The following NRG3 variants were observed in gnomAD, a reference collection of about 807,000 sequenced individuals.
NRG3 encodes pro-neuregulin-3, membrane-bound isoform.
A neutral mutation model predicts 66.9 loss-of-function variants in NRG3; 31 were observed. The observed-to-expected ratio is 0.46, with a 90% CI of 0.35 to 0.63. The LOEUF (loss-of-function observed/expected upper bound fraction) is 0.63, where lower values mean the gene tolerates loss of function less well. Among genes scored for constraint, NRG3 ranks in the 20% least tolerant of loss-of-function variants. The pLI is 0.00. For missense variants in NRG3, 910 were observed against 878.9 expected (o/e 1.04, Z -0.45); for synonymous variants, 393 against 359.4 (o/e 1.09, Z -1.06).
At chr10:82,431,286 G>C (rs1012831591) in intron 2 of NRG3, among the ~76,000 whole-genome samples, 3 of 152,108 alleles carry the variant, frequency 2.0e-5, no homozygotes, top group Non-Finnish European at 2.9e-5. Flanking sequence ...GAAAATGCTT[G>C]ATCTCCAAAC....
intron 1 of NRG3, among the ~76,000 whole-genome samples, chr10:82,004,096 T>C (rs2061287526): frequency 6.6e-6 from 1 of 152,062 alleles, no homozygotes; most frequent in Non-Finnish European, 1.5e-5. Context: ...TCTTAAAATA[T>C]TTTTATTGGG....
intron 4 of NRG3, among the ~76,000 whole-genome samples, chr10:82,950,735 C>A (rs1237794558): frequency 6.6e-6 from 1 of 152,172 alleles, no homozygotes; most frequent in African/African-American, 2.4e-5. Flanking sequence ...TCTACGGATA[C>A]AAAGTCTTGA....
chr10:81,882,764 A>T (rs75715719), intron 1 of NRG3, among the ~76,000 whole-genome samples: 2 of 152,140 alleles, frequency 1.3e-5, no homozygotes, highest in East Asian at 3.9e-4. Context: ...CATCACAATG[A>T]AAGATTATTG....
intron 1 of NRG3, among the ~76,000 whole-genome samples, chr10:81,884,263 C>T (rs1000921055): frequency 6.6e-6 from 1 of 152,156 alleles, no homozygotes; most frequent in Non-Finnish European, 1.5e-5. Context: ...TGGCATTTGC[C>T]ACTGTAAACT....
chr10:81,896,952 A>G (rs956024833), intron 1 of NRG3, among the ~76,000 whole-genome samples: 3 of 152,198 alleles, frequency 2.0e-5, no homozygotes, highest in South Asian at 2.1e-4. Context: ...AGGAACAGGT[A>G]TACAAGTAAG....
chr10:82,184,791 G>A (rs988237490), intron 1 of NRG3, among the ~76,000 whole-genome samples: 1 of 152,006 alleles, frequency 6.6e-6, no homozygotes, highest in Non-Finnish European at 1.5e-5. Flanking sequence ...TTAAAATCCT[G>A]CATTTTTAAC....
chr10:82,838,314 A>G (rs943164008), intron 3 of NRG3, among the ~76,000 whole-genome samples: 2 of 152,080 alleles, frequency 1.3e-5, no homozygotes, highest in African/African-American at 4.8e-5. Flanking sequence ...ATATACAGAA[A>G]TGTCTGTGTA....
At chr10:82,970,655 G>T (rs1431703268) in intron 6 of NRG3, among the ~76,000 whole-genome samples, 1 of 151,764 alleles carries the variant, frequency 6.6e-6, no homozygotes, top group Non-Finnish European at 1.5e-5. Flanking sequence ...TGTTTCCCCA[G>T]GCTTTTACTT....
At chr10:82,066,382 C>CT (rs557278725) in intron 1 of NRG3, among the ~76,000 whole-genome samples, 5 of 142,492 alleles carry the variant, frequency 3.5e-5, no homozygotes, top group Non-Finnish European at 7.6e-5. Context: ...AATGTACACT[C>CT]TGTCTATCAG....
At chr10:82,485,586 G>A (rs1409061550) in intron 2 of NRG3, among the ~76,000 whole-genome samples, 1 of 151,358 alleles carries the variant, frequency 6.6e-6, no homozygotes, top group Non-Finnish European at 1.5e-5. Context: ...GAGATATTTT[G>A]CAACTGGCAA....
At chr10:82,845,212 T>C (rs529138232) in intron 3 of NRG3, among the ~76,000 whole-genome samples, 2 of 152,314 alleles carry the variant, frequency 1.3e-5, no homozygotes, top group East Asian at 3.9e-4. Flanking sequence ...TTGTTTTGAC[T>C]TCTATACATG....
chr10:82,125,558 C>A (rs1590203973), intron 1 of NRG3, among the ~76,000 whole-genome samples: 1 of 152,084 alleles, frequency 6.6e-6, no homozygotes, highest in Non-Finnish European at 1.5e-5. Context: ...AGATCTTAGG[C>A]AAGTGTTCTT....
intron 2 of NRG3, among the ~76,000 whole-genome samples, chr10:82,472,395 C>T (rs746388801): frequency 3.9e-5 from 6 of 152,132 alleles, no homozygotes; most frequent in African/African-American, 9.7e-5. Context: ...AGTGACAGTT[C>T]GGAGTCCTTT....
chr10:82,453,929 T>C (rs552593315), intron 2 of NRG3, among the ~76,000 whole-genome samples: 3 of 152,194 alleles, frequency 2.0e-5, no homozygotes, highest in Non-Finnish European at 4.4e-5. Flanking sequence ...AGAAATGCTA[T>C]GGATATATAA....
intron 3 of NRG3, among the ~76,000 whole-genome samples, chr10:82,824,110 A>G (rs946887344): frequency 5.3e-5 from 8 of 152,026 alleles, no homozygotes; most frequent in Admixed American, 5.2e-4. Context: ...CAGACATTTT[A>G]TTTTACATCT....
At chr10:82,706,416 A>T (rs986190313) in intron 2 of NRG3, among the ~76,000 whole-genome samples, 1 of 152,200 alleles carries the variant, frequency 6.6e-6, no homozygotes. Context: ...ACAAATGTCA[A>T]TAATATTTAC....
chr10:82,452,741 T>C (rs1411452568), intron 2 of NRG3, among the ~76,000 whole-genome samples: 1 of 152,192 alleles, frequency 6.6e-6, no homozygotes, highest in Non-Finnish European at 1.5e-5. Context: ...TAGTCATGTG[T>C]TGATTCAATA....
intron 1 of NRG3, among the ~76,000 whole-genome samples, chr10:82,063,972 AT>A (rs1378862624): frequency 6.6e-6 from 1 of 152,166 alleles, no homozygotes; most frequent in Admixed American, 6.5e-5. Context: ...ACTGATCTGT[AT>A]TTCTGAAAGG....
intron 3 of NRG3, among the ~76,000 whole-genome samples, chr10:82,751,161 G>A (rs1358247991): frequency 6.6e-6 from 1 of 152,090 alleles, no homozygotes; most frequent in African/African-American, 2.4e-5. Flanking sequence ...CTCTCCTTAT[G>A]AATAAGCTGT....
Sources: allele counts gnomAD v4.1 joint callset (sites outside exome capture counted in the v4.1 genomes callset), GRCh38; gene constraint gnomAD v4.1.1; transcripts MANE v1.5; gene names NCBI Gene and HGNC (gene_info 2026-07-23, HGNC 2026-07-21).